KCTD9: variants seen among roughly 807,000 people sequenced by gnomAD.
KCTD9 encodes potassium channel tetramerization domain containing 9.
KCTD9 carries 17 observed loss-of-function variants against 53.3 expected under a neutral mutation model. The ratio of observed to expected loss-of-function variants is 0.32; its 90% CI spans 0.22 to 0.48. The LOEUF (loss-of-function observed/expected upper bound fraction) is 0.48, where lower values mean the gene tolerates loss of function less well. KCTD9 is among the 20% of genes least tolerant of loss of function. The probability of loss-of-function intolerance (pLI) is 0.99; values close to 1 mark genes in which losing one functional copy is unlikely to be tolerated. For synonymous variants in KCTD9, 128 were observed against 162.7 expected (o/e 0.79, Z 1.62); for missense variants, 179 against 465.5 (o/e 0.38, Z 5.66).
chr8:25,431,086 C>T (rs908916532), intron 11 of KCTD9, among the ~76,000 whole-genome samples: 9 of 152,002 alleles, frequency 5.9e-5, no homozygotes, highest in Non-Finnish European at 1.5e-5. Flanking sequence ...CCACCTTGGC[C>T]TCCCAAAATG....
chr8:25,430,442 G>A (rs1801905322), intron 11 of KCTD9, among the ~76,000 whole-genome samples: 1 of 152,104 alleles, frequency 6.6e-6, no homozygotes, highest in Admixed American at 6.6e-5. Flanking sequence ...TCGCACAGGA[G>A]CGTGAACCCT....
At position 25,458,182 on chromosome 8, in the gene KCTD9, C is replaced by A; in HGVS notation, c.48+17G>T. The A allele has an allele frequency of 6.3e-7, 1 of 1,595,454 alleles. No individual in the cohort carries two copies. The highest frequency in any genetic ancestry group is 8.6e-7 in the Non-Finnish European group (1 of 1,169,472). On this transcript the variant is annotated intron_variant, in intron 1 of 11. Coordinates refer to ENST00000221200, the MANE Select transcript of KCTD9 (RefSeq NM_017634.4). Reference sequence around the variant, plus strand: ...CCCCGACCCCCGGCCCGCCGCGCCCCCTCACGCCCCCGTTACCTTTCCGTT... The same window carrying A: ...CCCCGACCCCCGGCCCGCCGCGCCCACTCACGCCCCCGTTACCTTTCCGTT...
At chr8:25,441,125 A>G (rs1202879010) in intron 3 of KCTD9, among the ~76,000 whole-genome samples, 1 of 152,108 alleles carries the variant, frequency 6.6e-6, no homozygotes, top group Non-Finnish European at 1.5e-5. Flanking sequence ...CCCCATACTG[A>G]TAAGATGCTG....
intron 1 of KCTD9, chr8:25,450,231 A>AT (rs1802293784): frequency 1.5e-6 from 1 of 659,364 alleles, no homozygotes; most frequent in Non-Finnish European, 1.9e-6. Context: ...TAAAGGTCCA[A>AT]TAAAAAAAAT....
chr8:25,433,382 G>A lies in KCTD9; in HGVS notation c.867C>T (p.Ser289=). ...GATCCTCAAAATTACACAGTTTCAG[G>A]GATGCTCCTTCTGCATTAGAACAGA... ...KMLCSNAEGA[S]LKLCNFEDPS... The change falls in exon 10 of 12, where the codon TCC becomes TCT. Residue 289 remains serine (S), a synonymous_variant. Coordinates refer to ENST00000221200, the MANE Select transcript of KCTD9 (RefSeq NM_017634.4). 6.2e-7 allele frequency: 1 copy of A among 1,610,442 alleles called. No individual in the cohort carries two copies. Among genetic ancestry groups the A allele is most frequent in the Non-Finnish European group, 8.5e-7 (1 of 1,178,152 alleles).
At chr8:25,440,402 T>C in intron 4 of KCTD9, 175 bp downstream of exon 4, 1 of 565,052 alleles carries the variant, frequency 1.8e-6, no homozygotes, top group Non-Finnish European at 3.2e-6. Context: ...TTATGCTTTC[T>C]CTGGAGTGAA....
At chr8:25,434,452 T>C (rs537392749) in intron 9 of KCTD9, among the ~76,000 whole-genome samples, 1 of 149,350 alleles carries the variant, frequency 6.7e-6, no homozygotes, top group East Asian at 2.0e-4. Flanking sequence ...TTTTTTTTTT[T>C]GTCCTTAACA....
At chr8:25,430,120 C>A in intron 11 of KCTD9, 147 bp from the exon 12 acceptor site, 1 of 630,978 alleles carries the variant, frequency 1.6e-6, no homozygotes, top group South Asian at 1.9e-5. Flanking sequence ...TGATACACCA[C>A]CCTAAATTAA....
At chr8:25,451,804 ATT>A (rs561206781) in intron 1 of KCTD9, among the ~76,000 whole-genome samples, 9 of 152,220 alleles carry the variant, frequency 5.9e-5, no homozygotes, top group African/African-American at 2.2e-4. Flanking sequence ...CATGTAAAAT[ATT>A]TTTTTCTTTT....
intron 1 of KCTD9, among the ~76,000 whole-genome samples, chr8:25,451,063 G>T (rs1802310482): frequency 6.6e-6 from 1 of 152,002 alleles, no homozygotes; most frequent in African/African-American, 2.4e-5. Flanking sequence ...CCTTAAGTTG[G>T]GCCAATATAC....
intron 1 of KCTD9, among the ~76,000 whole-genome samples, chr8:25,449,203 G>A (rs1427737513): frequency 2.0e-5 from 3 of 152,224 alleles, no homozygotes; most frequent in African/African-American, 2.4e-5. Flanking sequence ...AGAAGGTGCT[G>A]TGAAAAGAGG....
rs762620676 is a variant in KCTD9, at chr8:25,435,350, A to T, written c.813+13T>A. The T allele has an allele frequency of 6.4e-6, 10 of 1,550,546 alleles. No homozygotes were observed. Among genetic ancestry groups the T allele is most frequent in the Non-Finnish European group, 8.7e-6 (10 of 1,149,068 alleles). The stretch of plus-strand genomic sequence containing the variant: ...ACATTTAATTTTCTCTTGTAGCCTA[A>T]AATGATACTTACGTCAAGCACTGAT... On this transcript the variant is annotated intron_variant, in intron 9 of 11. Transcript: ENST00000221200.
intron 3 of KCTD9, among the ~76,000 whole-genome samples, chr8:25,442,307 T>C (rs955064763): frequency 2.0e-5 from 3 of 152,178 alleles, no homozygotes; most frequent in Non-Finnish European, 2.9e-5. Context: ...GGGTGATCTA[T>C]GAAAAATAAT....
intron 1 of KCTD9, chr8:25,451,449 T>G (rs1802318164): frequency 6.6e-6 from 1 of 152,194 alleles, no homozygotes. Context: ...AAAATGATAG[T>G]GCTTACAAAG....
chr8:25,432,468 G>C, intron 11 of KCTD9, 36 bp downstream of exon 11: 4 of 1,586,062 alleles, frequency 2.5e-6, no homozygotes, highest in Non-Finnish European at 3.4e-6. Flanking sequence ...AGTAAGTCTA[G>C]AGTAATAAAA....
At chr8:25,430,842 C>CACACACACACA (rs1801915243) in intron 11 of KCTD9, among the ~76,000 whole-genome samples, 1 of 120,920 alleles carries the variant, frequency 8.3e-6, no homozygotes, top group Non-Finnish European at 1.8e-5. Context: ...CACACACACA[C>CACACACACACA]AATTTTTTTT....
intron 1 of KCTD9, chr8:25,450,561 C>T (rs1453035681): frequency 1.4e-5 from 9 of 641,656 alleles, no homozygotes; most frequent in South Asian, 1.4e-4. Context: ...CCTGTAATGC[C>T]GGCACTTTTT....
chr8:25,444,367 C>CA, intron 2 of KCTD9, 32 bp from the exon 3 acceptor site: 1 of 1,590,992 alleles, frequency 6.3e-7, no homozygotes, highest in Non-Finnish European at 8.6e-7. Context: ...AAGCTACCAT[C>CA]AAAATCTAAA....
intron 10 of KCTD9, 31 bp downstream of exon 10, chr8:25,433,299 G>A (rs765087817): frequency 7.9e-5 from 98 of 1,235,178 alleles, no homozygotes; most frequent in Admixed American, 2.1e-4. Context: ...TGCTTCCTTC[G>A]TAGAATAGGT....
Sources: gnomAD v4.1 joint callset for allele counts (sites outside exome capture counted in the v4.1 genomes callset) on GRCh38, gnomAD v4.1.1 for gene constraint, MANE v1.5 for transcripts, NCBI Gene and HGNC (gene_info 2026-07-23, HGNC 2026-07-21) for gene names.